Variants in PHACTR1 observed in about 807,000 individuals in gnomAD.
PHACTR1 encodes RPEL repeat containing 1.
PHACTR1 carries 16 observed loss-of-function variants against 69.2 expected under a neutral mutation model. The ratio of observed to expected loss-of-function variants is 0.23; its 90% CI spans 0.16 to 0.35. PHACTR1 has a LOEUF of 0.35. Among genes scored for constraint, PHACTR1 ranks in the 10% least tolerant of loss-of-function variants. The pLI is 1.00. For missense variants in PHACTR1, 510 were observed against 734.7 expected (o/e 0.69, Z 3.54); for synonymous variants, 312 against 284.5 (o/e 1.10, Z -0.97).
chr6:13,031,508 A>T (rs6936052), intron 4 of PHACTR1, among the ~76,000 whole-genome samples: 1 of 152,108 alleles, frequency 6.6e-6, no homozygotes, highest in Non-Finnish European at 1.5e-5. Context: ...CTTTAAGATG[A>T]GGGGTGATAC....
At position 13,230,137 on chromosome 6, in the gene PHACTR1, G is replaced by A. The variant is rs146889071; in HGVS notation, c.1335G>A (p.Arg445=). The A allele has an allele frequency of 1.1e-4, 179 of 1,611,676 alleles. No homozygotes were observed. In the African/African-American group the frequency reaches 2.3e-3, roughly 20 times the overall value. ...RELEEKNILP[R]QTDEERLELR... ...TGGAAGAAAAGAACATCCTTCCCAGGCAGACGGATGAGGAGCGGCTGGAGC... is the reference window on the plus strand; with the variant it reads ...TGGAAGAAAAGAACATCCTTCCCAGACAGACGGATGAGGAGCGGCTGGAGC... The change falls in exon 10 of 15, where the codon AGG becomes AGA. Residue 445 remains arginine (R), a synonymous_variant. Transcript: ENST00000332995.
intron 5 of PHACTR1, among the ~76,000 whole-genome samples, chr6:13,143,124 G>T (rs1822760821): frequency 6.6e-6 from 1 of 152,190 alleles, no homozygotes; most frequent in Admixed American, 6.5e-5. Context: ...GTTACCAGAG[G>T]CTGGGAAGGG....
chr6:13,282,786 CCT>C (rs1355965942), intron 12 of PHACTR1, among the ~76,000 whole-genome samples: 1 of 152,012 alleles, frequency 6.6e-6, no homozygotes, highest in African/African-American at 2.4e-5. Flanking sequence ...GTAGAATGTC[CCT>C]GTCACCTGGT....
chr6:13,089,690 C>T (rs1041332569), intron 5 of PHACTR1, among the ~76,000 whole-genome samples: 3 of 152,108 alleles, frequency 2.0e-5, no homozygotes, highest in South Asian at 2.1e-4. Flanking sequence ...TTCTGGAGTC[C>T]GGATGATGCT....
intron 4 of PHACTR1, among the ~76,000 whole-genome samples, chr6:12,827,953 T>C (rs1441918734): frequency 2.6e-5 from 4 of 152,164 alleles, no homozygotes; most frequent in Non-Finnish European, 5.9e-5. Context: ...TTGATACTCA[T>C]TAGTCACTTT....
chr6:12,851,741 G>A (rs1779845670), intron 4 of PHACTR1, among the ~76,000 whole-genome samples: 1 of 152,072 alleles, frequency 6.6e-6, no homozygotes, highest in Non-Finnish European at 1.5e-5. Flanking sequence ...TACACAATCA[G>A]GCATTGCTCT....
At chr6:13,163,661 C>T (rs1310406134) in intron 6 of PHACTR1, among the ~76,000 whole-genome samples, 1 of 152,140 alleles carries the variant, frequency 6.6e-6, no homozygotes, top group African/African-American at 2.4e-5. Flanking sequence ...CTCATTGCCT[C>T]ATATTATAGT....
chr6:13,194,636 C>T (rs1371248482), intron 7 of PHACTR1, among the ~76,000 whole-genome samples: 1 of 151,892 alleles, frequency 6.6e-6, no homozygotes, highest in Non-Finnish European at 1.5e-5. Flanking sequence ...TTCAAAATTG[C>T]CAAGACAGAA....
At chr6:12,803,535 C>G (rs1773948398) in intron 4 of PHACTR1, among the ~76,000 whole-genome samples, 1 of 152,198 alleles carries the variant, frequency 6.6e-6, no homozygotes, top group Admixed American at 6.5e-5. Context: ...CACTATACTT[C>G]TTGCACTCTT....
At position 13,084,162 on chromosome 6, in the gene PHACTR1, G is replaced by C. The variant is rs1420844885; in HGVS notation, c.415+30633G>C. 2.0e-5 allele frequency among the ~76,000 whole-genome samples: 3 copies of C among 151,858 alleles called. No individual in the cohort carries two copies. The East Asian group carries it at 5.8e-4, about 29-fold the overall frequency. On this transcript the variant is annotated intron_variant, in intron 5 of 14. Transcript: ENST00000332995. ...ATGACAGACTGGATTAAGAAAATGTGGCACATATATACCATGGAATACTAT... is the reference window on the plus strand; with the variant it reads ...ATGACAGACTGGATTAAGAAAATGTCGCACATATATACCATGGAATACTAT...
At chr6:13,277,295 T>A (rs1331741736) in intron 11 of PHACTR1, among the ~76,000 whole-genome samples, 1 of 152,214 alleles carries the variant, frequency 6.6e-6, no homozygotes, top group Non-Finnish European at 1.5e-5. Flanking sequence ...GCTTTCAGGC[T>A]CTGCAGTCTA....
At chr6:12,827,176 C>G (rs1269158538) in intron 4 of PHACTR1, among the ~76,000 whole-genome samples, 1 of 152,178 alleles carries the variant, frequency 6.6e-6, no homozygotes, top group Non-Finnish European at 1.5e-5. Context: ...CTTTTTCTAT[C>G]TTTTACTTAA....
intron 5 of PHACTR1, among the ~76,000 whole-genome samples, chr6:13,078,625 A>C (rs925443440): frequency 3.9e-5 from 6 of 152,190 alleles, no homozygotes; most frequent in African/African-American, 1.2e-4. Flanking sequence ...AATATTATCC[A>C]GAGCTGTGGT....
At chr6:13,107,304 G>T (rs1031426506) in intron 5 of PHACTR1, among the ~76,000 whole-genome samples, 7 of 152,158 alleles carry the variant, frequency 4.6e-5, no homozygotes, top group Admixed American at 1.3e-4. Context: ...TAGAGACAGG[G>T]TCTCGCTATG....
chr6:12,818,544 G>A (rs139408035), intron 4 of PHACTR1, among the ~76,000 whole-genome samples: 3 of 152,310 alleles, frequency 2.0e-5, no homozygotes, highest in East Asian at 1.9e-4. Context: ...TAGATTTCAC[G>A]TGATGGAAGT....
intron 5 of PHACTR1, among the ~76,000 whole-genome samples, chr6:13,102,507 T>G (rs1815336625): frequency 6.6e-6 from 1 of 152,190 alleles, no homozygotes. Flanking sequence ...ACTTCAGCAT[T>G]TAACATCATA....
At chr6:13,123,918 G>A (rs895348105) in intron 5 of PHACTR1, among the ~76,000 whole-genome samples, 1 of 152,130 alleles carries the variant, frequency 6.6e-6, no homozygotes, top group Non-Finnish European at 1.5e-5. Context: ...TCAAATGGCA[G>A]GTTTGAAGAT....
chr6:13,100,832 T>C (rs1453592816), intron 5 of PHACTR1, among the ~76,000 whole-genome samples: 1 of 152,186 alleles, frequency 6.6e-6, no homozygotes, highest in African/African-American at 2.4e-5. Context: ...ATAATGCTGA[T>C]AATAAGGAAA....
intron 4 of PHACTR1, among the ~76,000 whole-genome samples, chr6:12,990,813 C>A (rs762532504): frequency 6.6e-6 from 1 of 152,120 alleles, no homozygotes; most frequent in Non-Finnish European, 1.5e-5. Flanking sequence ...GAATCAGGAG[C>A]TGGAGAGGGG....
Sources: gnomAD v4.1 joint callset for allele counts (sites outside exome capture counted in the v4.1 genomes callset) on GRCh38, gnomAD v4.1.1 for gene constraint, MANE v1.5 for transcripts, NCBI Gene and HGNC (gene_info 2026-07-23, HGNC 2026-07-21) for gene names.